The following EPHA6 variants were observed in gnomAD, a reference collection of about 807,000 sequenced individuals.
EPHA6 encodes the protein EPH receptor A6.
Under a neutral mutation model 112.0 loss-of-function variants are expected in EPHA6, and 50 were observed. The observed-to-expected ratio is 0.45, with a 90% CI of 0.36 to 0.56. The LOEUF is 0.56. Ranked by LOEUF, EPHA6 falls within the 20% of genes least tolerant of loss-of-function variation. The pLI is 0.00. For missense variants in EPHA6, 1,280 were observed against 1,417.4 expected (o/e 0.90, Z 1.56); for synonymous variants, 529 against 490.7 (o/e 1.08, Z -1.03).
chr3:97,641,077 G>A lies in EPHA6; in HGVS notation c.2784+2995G>A, dbSNP rs143482870. ...TTCTAGATTGAACAACTGGTTAAAT[G>A]GAGATGCTGTTAATCAAGACAGAGA... On this transcript the variant is annotated intron_variant, in intron 14 of 17. Transcript: ENST00000389672. 2.1e-3 allele frequency among the ~76,000 whole-genome samples: 318 copies of A among 152,252 alleles called. 1 individual carries two copies. Among genetic ancestry groups the A allele is most frequent in the Non-Finnish European group, 3.7e-3 (252 of 68,002 alleles).
At chr3:97,299,834 C>T (rs1053004381) in intron 5 of EPHA6, among the ~76,000 whole-genome samples, 15 of 152,148 alleles carry the variant, frequency 9.9e-5, no homozygotes, top group African/African-American at 2.9e-4. Flanking sequence ...GGTTGTGCCT[C>T]AGTTGGTAAG....
At chr3:97,545,012 C>G (rs1372818254) in intron 11 of EPHA6, among the ~76,000 whole-genome samples, 1 of 152,140 alleles carries the variant, frequency 6.6e-6, no homozygotes, top group African/African-American at 2.4e-5. Flanking sequence ...TTCAAAAAAC[C>G]AGCTCCTGGA....
At chr3:96,932,585 T>C (rs999590566) in intron 2 of EPHA6, among the ~76,000 whole-genome samples, 12 of 152,188 alleles carry the variant, frequency 7.9e-5, no homozygotes, top group African/African-American at 2.7e-4. Flanking sequence ...ATTAAATTGC[T>C]TTAGTATGTC....
At chr3:97,464,275 C>T (rs2090984450) in intron 7 of EPHA6, among the ~76,000 whole-genome samples, 1 of 152,050 alleles carries the variant, frequency 6.6e-6, no homozygotes, top group Non-Finnish European at 1.5e-5. Flanking sequence ...GGAGAACAGT[C>T]TTCCAAACTC....
At chr3:97,163,768 A>G (rs2108405514) in intron 3 of EPHA6, among the ~76,000 whole-genome samples, 1 of 152,328 alleles carries the variant, frequency 6.6e-6, no homozygotes, top group Middle Eastern at 3.4e-3. Flanking sequence ...GACTCATCAG[A>G]ATTTAAGAAC....
At chr3:97,017,929 A>T (rs1285113374) in intron 3 of EPHA6, among the ~76,000 whole-genome samples, 1 of 148,808 alleles carries the variant, frequency 6.7e-6, no homozygotes, top group East Asian at 2.0e-4. Context: ...TCTTAGATTT[A>T]TTCTTCTGAG....
At chr3:97,096,931 C>T (rs1233055409) in intron 3 of EPHA6, among the ~76,000 whole-genome samples, 3 of 151,446 alleles carry the variant, frequency 2.0e-5, no homozygotes, top group Non-Finnish European at 3.0e-5. Flanking sequence ...GTTAAATGCC[C>T]ACATCTCCTA....
intron 14 of EPHA6, among the ~76,000 whole-genome samples, chr3:97,641,932 C>T (rs909405690): frequency 6.6e-6 from 1 of 150,746 alleles, no homozygotes; most frequent in Admixed American, 6.6e-5. Context: ...CTGGGTGGAG[C>T]CCACCACAGC....
At chr3:96,817,502 TAAAC>T (rs1666537884) in intron 1 of EPHA6, among the ~76,000 whole-genome samples, 1 of 151,890 alleles carries the variant, frequency 6.6e-6, no homozygotes, top group South Asian at 2.1e-4. Flanking sequence ...CACATAAAAA[TAAAC>T]AGTAATATAA....
intron 2 of EPHA6, among the ~76,000 whole-genome samples, chr3:96,880,706 C>T (rs547402939): frequency 1.1e-4 from 17 of 152,058 alleles, no homozygotes; most frequent in African/African-American, 2.2e-4. Context: ...CCACCTCACG[C>T]GCTGGCAAAC....
At chr3:97,023,324 C>T (rs1413478684) in intron 3 of EPHA6, among the ~76,000 whole-genome samples, 1 of 152,164 alleles carries the variant, frequency 6.6e-6, no homozygotes, top group Non-Finnish European at 1.5e-5. Flanking sequence ...CATGATCTGC[C>T]TGCCTTGGCC....
intron 14 of EPHA6, among the ~76,000 whole-genome samples, chr3:97,640,977 A>G (rs1217439328): frequency 2.0e-5 from 3 of 152,168 alleles, no homozygotes; most frequent in Admixed American, 1.3e-4. Context: ...TGTTCATTAT[A>G]TGTTCATTAT....
intron 5 of EPHA6, among the ~76,000 whole-genome samples, chr3:97,303,196 T>TA (rs2081167580): frequency 6.6e-6 from 1 of 151,852 alleles, no homozygotes; most frequent in Non-Finnish European, 1.5e-5. Flanking sequence ...AAGATACATA[T>TA]TATAAATATA....
chr3:97,020,430 G>A (rs953863517), intron 3 of EPHA6, among the ~76,000 whole-genome samples: 4 of 152,116 alleles, frequency 2.6e-5, no homozygotes, highest in Non-Finnish European at 5.9e-5. Context: ...TATTTCTAGG[G>A]CAGTCCAGTT....
intron 1 of EPHA6, among the ~76,000 whole-genome samples, chr3:96,866,568 ATAAT>A (rs2107454193): frequency 6.6e-6 from 1 of 151,982 alleles, no homozygotes; most frequent in East Asian, 1.9e-4. Flanking sequence ...ATTCTGTTTA[ATAAT>A]TTCATTTAGC....
intron 2 of EPHA6, among the ~76,000 whole-genome samples, chr3:96,962,212 A>G (rs1041035254): frequency 6.6e-6 from 1 of 152,076 alleles, no homozygotes; most frequent in African/African-American, 2.4e-5. Flanking sequence ...GTCTAAGGAA[A>G]TGGGCAGAGC....
intron 3 of EPHA6, among the ~76,000 whole-genome samples, chr3:97,191,141 A>G (rs924847407): frequency 1.3e-5 from 2 of 152,204 alleles, no homozygotes; most frequent in East Asian, 1.9e-4. Flanking sequence ...GTCCAAACTG[A>G]GACAAATAAA....
chr3:96,877,934 T>C lies in EPHA6; in HGVS notation c.450+11045T>C, dbSNP rs201765418. Among the ~76,000 whole-genome samples the C allele has an allele frequency of 2.3e-3, 275 of 118,112 alleles. 3 individuals carry two copies. In the East Asian group the frequency reaches 0.025, roughly 11 times the overall value. 77.5% of individuals were successfully genotyped at this position (118,112 alleles called of 152,430 possible). ...GTGTGTATATATATATATATATTTT[T>C]TTTTTTTCCTTTGGATGTTCATGCA... is the stretch of plus-strand genomic sequence containing the variant. On this transcript the variant is annotated intron_variant, in intron 2 of 17. Transcript: ENST00000389672.
At chr3:96,881,927 C>G (rs1217274510) in intron 2 of EPHA6, among the ~76,000 whole-genome samples, 1 of 152,192 alleles carries the variant, frequency 6.6e-6, no homozygotes, top group East Asian at 1.9e-4. Context: ...TGTCTCACAT[C>G]CAGGTCATGT....
Sources: allele counts gnomAD v4.1 joint callset (sites outside exome capture counted in the v4.1 genomes callset), GRCh38; gene constraint gnomAD v4.1.1; transcripts MANE v1.5; gene names NCBI Gene and HGNC (gene_info 2026-07-23, HGNC 2026-07-21).